FCRL5: variants seen among roughly 807,000 people sequenced by gnomAD.
The protein encoded by FCRL5 is Fc receptor-like protein 5.
In FCRL5, 79 loss-of-function variants were observed where a neutral mutation model predicts 92.1. The ratio of observed to expected loss-of-function variants is 0.86; its 90% CI spans 0.72 to 1.03. The LOEUF (loss-of-function observed/expected upper bound fraction) is 1.03, where lower values mean the gene tolerates loss of function less well. Ranked by LOEUF, FCRL5 falls within the 50% of genes least tolerant of loss-of-function variation. The probability of loss-of-function intolerance (pLI) is 0.00; values close to 1 mark genes in which losing one functional copy is unlikely to be tolerated. For missense variants in FCRL5, 1,160 were observed against 1,181.1 expected (o/e 0.98, Z 0.26); for synonymous variants, 466 against 469.3 (o/e 0.99, Z 0.09).
At chr1:157,526,124 G>C (rs761870656) in intron 9 of FCRL5, among the ~76,000 whole-genome samples, 39 of 152,338 alleles carry the variant, frequency 2.6e-4, no homozygotes, top group Non-Finnish European at 4.6e-4. Context: ...AGCCAGTAAA[G>C]AAGACTGAGA....
At position 157,514,576 on chromosome 1, in the gene FCRL5, G is replaced by A. The variant is rs1649841471; in HGVS notation, c.*1099C>T. ...CCATGGGCCTCTGCTGAGACCTATA[G>A]GGCTTCACATGCATGCAGTGCAGTC... On this transcript the variant is annotated 3_prime_UTR_variant, in exon 17 of 17. Transcript: ENST00000361835. The A allele has an allele frequency of 6.6e-6, 1 of 152,320 alleles. No individual in the cohort carries two copies. Among genetic ancestry groups the A allele is most frequent in the Admixed American group, 6.5e-5 (1 of 15,278 alleles). 9.4% of individuals were successfully genotyped at this position (152,320 alleles called of 1,614,324 possible).
At position 157,547,091 on chromosome 1, in the gene FCRL5, C is replaced by T. The variant is rs781590964; in HGVS notation, c.159G>A (p.Gln53=). 6.2e-7 allele frequency: 1 copy of T among 1,614,180 alleles called. No homozygotes were observed. Among genetic ancestry groups the T allele is most frequent in the East Asian group, 2.2e-5 (1 of 44,888 alleles). ...TCKGFRFYSP[Q]KTKWYHRYLG... is the part of the protein sequence containing the mutation. Reference sequence around the variant, plus strand: ...GGTACCGATGGTACCATTTTGTTTTCTGTGGTGAGTAGAAGCGAAATCCCT... The same window carrying T: ...GGTACCGATGGTACCATTTTGTTTTTTGTGGTGAGTAGAAGCGAAATCCCT... The change falls in exon 3 of 17, where the codon CAG becomes CAA. Residue 53 remains glutamine, a synonymous_variant. Coordinates refer to ENST00000361835, the MANE Select transcript of FCRL5 (RefSeq NM_031281.3).
At chr1:157,550,230 A>G (rs1313561721) in intron 1 of FCRL5, among the ~76,000 whole-genome samples, 1 of 152,166 alleles carries the variant, frequency 6.6e-6, no homozygotes, top group Non-Finnish European at 1.5e-5. Context: ...ATTTTATTAT[A>G]AAAGTGATAA....
chr1:157,513,399 A>G lies in FCRL5; in HGVS notation c.*2276T>C, dbSNP rs1484669346. 1 of 152,178 alleles carries G rather than the reference A, an allele frequency of 6.6e-6. No individual in the cohort carries two copies. The highest frequency in any genetic ancestry group is 2.4e-5 in the African/African-American group (1 of 41,438). 9.4% of individuals were successfully genotyped at this position (152,178 alleles called of 1,614,324 possible). ...ACATACAGAAAGATTGGTTTATTAG[A>G]ATGAATTAGCTCTTGTGACTGTAGA... is the stretch of plus-strand genomic sequence containing the variant. On this transcript the variant is annotated 3_prime_UTR_variant, in exon 17 of 17. Transcript: ENST00000361835.
intron 2 of FCRL5, among the ~76,000 whole-genome samples, chr1:157,547,935 T>G (rs1651635063): frequency 6.6e-6 from 1 of 152,236 alleles, no homozygotes; most frequent in Non-Finnish European, 1.5e-5. Flanking sequence ...GTGCCTTTCT[T>G]TTTTGTAAGG....
At chr1:157,542,577 A>T in intron 6 of FCRL5, 1 of 413,828 alleles carries the variant, frequency 2.4e-6, no homozygotes. Flanking sequence ...GCCACAGGAC[A>T]AGTGGAAAGC....
At chr1:157,527,009 A>G (rs1422966486) in intron 9 of FCRL5, among the ~76,000 whole-genome samples, 1 of 152,204 alleles carries the variant, frequency 6.6e-6, no homozygotes, top group Non-Finnish European at 1.5e-5. Context: ...AGAAAGACTG[A>G]AAGTACAGTG....
In FCRL5 at chr1:157,534,658, C is replaced by A. The variant is rs1288274887; in HGVS notation, c.1637G>T (p.Gly546Val). ...SGNYYCTADN[G>V]FGPQRSEVVS... ...CACTTCACTGCGCTGGGGACCAAAG[C>A]CATTGTCAGCTGTGCAGTAGTAATT... is the stretch of plus-strand genomic sequence containing the variant. The change falls in exon 8 of 17, where the codon GGC becomes GTC. Residue 546 changes from glycine to valine, a missense_variant. Coordinates refer to ENST00000361835, the MANE Select transcript of FCRL5 (RefSeq NM_031281.3). 4.3e-6 allele frequency: 7 copies of A among 1,614,044 alleles called. No individual in the cohort carries two copies. Among genetic ancestry groups the A allele is most frequent in the Non-Finnish European group, 5.9e-6 (7 of 1,180,050 alleles).
chr1:157,537,175 T>C (rs35819800), intron 7 of FCRL5, among the ~76,000 whole-genome samples: 13,305 of 152,264 alleles, frequency 0.087, 1,561 homozygotes, highest in African/African-American at 0.27. Context: ...GCCTGTGAGC[T>C]GGGTGGAACA....
chr1:157,542,833 G>A, intron 6 of FCRL5, 26 bp downstream of exon 6: 1 of 1,597,858 alleles, frequency 6.3e-7, no homozygotes, highest in South Asian at 1.1e-5. Flanking sequence ...CCAGGGGTGG[G>A]TGATTGGCAG....
chr1:157,539,106 G>C lies in FCRL5; in HGVS notation c.1382C>G (p.Ala461Gly), dbSNP rs369083606. The change falls in exon 7 of 17, where the codon GCG (alanine) becomes GGG (glycine). Residue 461 changes from alanine to glycine, a missense_variant. Transcript: ENST00000361835. ...DNGFGPQRSKAVSLSVTVPVS... is the reference protein window; with the variant it reads ...DNGFGPQRSKGVSLSVTVPVS... ...CTTACCAGTGACGGAGAGGCTCACC[G>C]CCTTACTGCGCTGGGGGCCAAAGCC... 3 of 1,613,778 alleles carry C rather than the reference G, an allele frequency of 1.9e-6. No individual in the cohort carries two copies. The African/African-American group carries it at 4.0e-5, about 21-fold the overall frequency.
intron 10 of FCRL5, among the ~76,000 whole-genome samples, chr1:157,522,954 C>G (rs555746656): frequency 2.6e-5 from 4 of 152,126 alleles, no homozygotes; most frequent in Admixed American, 6.5e-5. Flanking sequence ...GTGGGGAGAG[C>G]CCCTGCAAAT....
At chr1:157,545,157 T>C (rs1651471215) in intron 3 of FCRL5, 75 bp from the exon 4 acceptor site, 1 of 1,512,162 alleles carries the variant, frequency 6.6e-7, no homozygotes. Flanking sequence ...TCCAAGTAGA[T>C]TTTATTTTAA....
chr1:157,526,493 G>A (rs575365902), intron 9 of FCRL5, among the ~76,000 whole-genome samples: 13 of 152,238 alleles, frequency 8.5e-5, no homozygotes, highest in African/African-American at 1.9e-4. Context: ...ACCATGTTAC[G>A]TGCCAGTGCA....
intron 15 of FCRL5, among the ~76,000 whole-genome samples, chr1:157,517,919 T>C (rs1367723836): frequency 6.6e-6 from 1 of 151,956 alleles, no homozygotes; most frequent in Non-Finnish European, 1.5e-5. Context: ...ACATGAAAGA[T>C]GATCTCTCCC....
chr1:157,533,841 A>C (rs1650810971), intron 8 of FCRL5: 1 of 154,134 alleles, frequency 6.5e-6, no homozygotes, highest in Non-Finnish European at 1.4e-5. Flanking sequence ...CATTTTAAAA[A>C]TAACCTCTTT....
At chr1:157,546,405 G>T (rs374416174) in intron 3 of FCRL5, 1 of 330,320 alleles carries the variant, frequency 3.0e-6, no homozygotes, top group Non-Finnish European at 6.0e-6. Flanking sequence ...CCGAGATAAC[G>T]CCACTGCACT....
intron 3 of FCRL5, among the ~76,000 whole-genome samples, chr1:157,545,593 A>G (rs1190998254): frequency 2.4e-5 from 3 of 124,096 alleles, no homozygotes; most frequent in East Asian, 4.6e-4. Context: ...CAGTGGTGCT[A>G]TCTCGGCTCA....
intron 9 of FCRL5, among the ~76,000 whole-genome samples, chr1:157,526,623 A>G (rs766695483): frequency 6.6e-6 from 1 of 152,182 alleles, no homozygotes; most frequent in Non-Finnish European, 1.5e-5. Context: ...ATGTTCACCT[A>G]TGGGGAGGGA....
Sources: gnomAD v4.1 joint callset for allele counts (sites outside exome capture counted in the v4.1 genomes callset) on GRCh38, gnomAD v4.1.1 for gene constraint, MANE v1.5 for transcripts, NCBI Gene and HGNC (gene_info 2026-07-23, HGNC 2026-07-21) for gene names.